Variants in BRD4 observed in about 807,000 individuals in gnomAD.
BRD4 encodes the protein bromodomain containing 4.
BRD4 carries 16 observed loss-of-function variants against 142.1 expected under a neutral mutation model. The observed-to-expected ratio is 0.11, with a 90% CI of 0.08 to 0.17. BRD4 has a LOEUF of 0.17. BRD4 is among the 10% of genes least tolerant of loss of function. The probability of loss-of-function intolerance (pLI) is 1.00; values close to 1 mark genes in which losing one functional copy is unlikely to be tolerated. For synonymous variants in BRD4, 833 were observed against 707.5 expected (o/e 1.18, Z -2.82); for missense variants, 1,424 against 1,810.9 (o/e 0.79, Z 3.88).
chr19:15,246,122 T>C (rs1000538750), intron 11 of BRD4, among the ~76,000 whole-genome samples: 8 of 152,142 alleles, frequency 5.3e-5, no homozygotes, highest in Non-Finnish European at 8.8e-5. Context: ...CGGGGGAACC[T>C]GGGGCCCCGC....
intron 10 of BRD4, among the ~76,000 whole-genome samples, 167 bp downstream of exon 10, chr19:15,255,130 G>A (rs533236577): frequency 2.0e-5 from 3 of 150,578 alleles, no homozygotes; most frequent in African/African-American, 7.3e-5. Context: ...GCCTAGGGGT[G>A]AGTGCAATGT....
At chr19:15,298,631 A>T in intron 1 of BRD4, among the ~76,000 whole-genome samples, 1 of 26,414 alleles carries the variant, frequency 3.8e-5, no homozygotes, top group African/African-American at 2.0e-4. Context: ...AAAAAAAAAA[A>T]AAAAAAAAAA....
Position 15,243,473 on chromosome 19 carries a change from G to A in BRD4, c.2596C>T (p.Leu866=), listed in dbSNP as rs767785123. 1.3e-5 allele frequency: 21 copies of A among 1,569,512 alleles called. No individual in the cohort carries two copies. Among genetic ancestry groups the A allele is most frequent in the Non-Finnish European group, 1.8e-5 (21 of 1,161,126 alleles). The part of the protein sequence containing the change: ...VVSPPALHNA[L]PQQPSRPSNR... ...CTGGGCCGTGATGGCTGCTGGGGTA[G>A]TGCGTTGTGCAAAGCTGGAAGAACA... Residue 866 remains leucine, a synonymous_variant, in exon 14 of 20, where the codon CTA becomes TTA. Transcript: ENST00000679869.
rs539365466 is a variant in BRD4 at position 15,240,100 on chromosome 19, C to T, written c.3170-78G>A. 119 of 1,518,746 alleles carry T rather than the reference C, an allele frequency of 7.8e-5. 1 individual carries two copies. The African/African-American group carries it at 1.5e-3, about 19-fold the overall frequency. 94.1% of individuals were successfully genotyped at this position (1,518,746 alleles called of 1,614,324 possible). ...CTGAGAGAATTGTCGGGAAGGAAAA[C>T]GTGGGCTGTATGGAGAAACTGCATG... On this transcript the variant is annotated intron_variant, in intron 14 of 19. Transcript: ENST00000679869.
rs577504401 is a variant in BRD4 at position 15,258,656 on chromosome 19, A to C, written c.1342-1483T>G. Among the ~76,000 whole-genome samples the C allele has an allele frequency of 1.8e-4, 27 of 151,924 alleles. 1 individual carries two copies. In the South Asian group the frequency reaches 5.4e-3, roughly 31 times the overall value. ...GGCCTTGCTCTGTTGCCCAGGGTGG[A>C]ATGCAATCAATGGCTCAATCATGGC... On this transcript the variant is annotated intron_variant, in intron 7 of 19. Transcript: ENST00000679869.
chr19:15,323,794 CA>C (rs930189783), intron 1 of BRD4, among the ~76,000 whole-genome samples: 4 of 152,080 alleles, frequency 2.6e-5, no homozygotes, highest in African/African-American at 9.7e-5. Context: ...GGAAGGTGAC[CA>C]CACATACTAA....
At chr19:15,330,856 G>C (rs561813541) in intron 1 of BRD4, among the ~76,000 whole-genome samples, 2 of 152,166 alleles carry the variant, frequency 1.3e-5, no homozygotes, top group African/African-American at 4.8e-5. Context: ...AAATCCTTTT[G>C]AGTATCGCTT....
chr19:15,326,461 G>A (rs1381644349), intron 1 of BRD4, among the ~76,000 whole-genome samples: 1 of 151,870 alleles, frequency 6.6e-6, no homozygotes, highest in Non-Finnish European at 1.5e-5. Flanking sequence ...ATAGGTGACA[G>A]AGCAAAACTC....
chr19:15,249,213 A>AC (rs2145538903), intron 11 of BRD4: 1 of 1,613,240 alleles, frequency 6.2e-7, no homozygotes, highest in African/African-American at 1.3e-5. Flanking sequence ...AAATGGACTT[A>AC]AGCTATAGCT....
rs201913040 is a variant in BRD4 at position 15,239,475 on chromosome 19, G to T, written c.3493C>A (p.Pro1165Thr). 2.5e-6 allele frequency: 4 copies of T among 1,614,004 alleles called. No individual in the cohort carries two copies. Among genetic ancestry groups the T allele is most frequent in the African/African-American group, 1.3e-5 (1 of 74,914 alleles). ...CCTGGTGGCGGTGCGTTCTGCTCTG[G>T]GGGCCGGATCACAGGCCTCCCGACA... The part of the protein sequence containing the change: ...VDVGRPVIRP[P>T]EQNAPPPGAP... The change falls in exon 17 of 20, where the codon CCA becomes ACA. Residue 1165 changes from proline (P) to threonine (T), a missense_variant. Physicochemically the swap from Pro to Thr is conservative, Grantham distance 38 (BLOSUM62 -1). Coordinates refer to ENST00000679869, the MANE Select transcript of BRD4 (RefSeq NM_001379291.1). This position sits in a 1 kb window ranked among gnomAD's most constrained non-coding sequence, Gnocchi z 7.4.
intron 10 of BRD4, 45 bp downstream of exon 10, chr19:15,255,252 G>A (rs775032966): frequency 1.3e-6 from 2 of 1,572,328 alleles, no homozygotes; most frequent in Non-Finnish European, 1.7e-6. Context: ...GTTACTCTGA[G>A]GGTGCCCACA....
chr19:15,331,872 TTCCTCCTCC>T (rs749102193), intron 1 of BRD4: 4 of 140,150 alleles, frequency 2.9e-5, no homozygotes, highest in African/African-American at 7.8e-5. Flanking sequence ...CGGCGGCCGC[TTCCTCCTCC>T]TCCTCCTCCT....
In BRD4 at chr19:15,320,012, A is replaced by T. The variant is rs931480137; in HGVS notation, c.-35+12278T>A. Among the ~76,000 whole-genome samples the T allele has an allele frequency of 2.6e-5, 4 of 152,188 alleles. No individual in the cohort carries two copies. The South Asian group carries it at 8.3e-4, about 32-fold the overall frequency. On this transcript the variant is annotated intron_variant, in intron 1 of 19. Transcript: ENST00000679869. ...AATAAATTTTTCTTCCACAGAGTAA[A>T]ATCAGGAAATTCATTCTGGTACCTG...
At chr19:15,285,888 G>T (rs563203837) in intron 1 of BRD4, among the ~76,000 whole-genome samples, 40 of 152,296 alleles carry the variant, frequency 2.6e-4, no homozygotes, top group African/African-American at 9.6e-4. Flanking sequence ...TAGTTAGGAT[G>T]GTGCCCACTC....
chr19:15,267,664 C>T (rs1187107631), intron 3 of BRD4, 113 bp from the exon 4 acceptor site: 6 of 1,281,458 alleles, frequency 4.7e-6, no homozygotes, highest in East Asian at 2.3e-5. Context: ...CGTCGTATTC[C>T]GGGTCCTTCC....
At position 15,256,972 on chromosome 19, in the gene BRD4, G is replaced by A; in HGVS notation, c.1543C>T (p.Gln515Ter). The A allele has an allele frequency of 1.3e-6, 2 of 1,571,662 alleles. No individual in the cohort carries two copies. The highest frequency in any genetic ancestry group is 8.6e-7 in the Non-Finnish European group (1 of 1,159,290). Residue 515 changes from glutamine (Q) to a stop codon, truncating the protein, a stop_gained, in exon 8 of 20, where the codon CAG becomes TAG. Transcript: ENST00000679869. LOFTEE classifies it high-confidence loss of function. Reference protein sequence around the residue: ...EERAQRLAELQEQLKAVHEQL... With the variant: ...EERAQRLAEL ...GCCACCAATGCCCTCACCTGCTCCT[G>A]GAGCTCAGCCAGCCGCTGGGCTCGC...
intron 1 of BRD4, among the ~76,000 whole-genome samples, chr19:15,323,414 T>A (rs1158568385): frequency 6.6e-6 from 1 of 152,162 alleles, no homozygotes; most frequent in African/African-American, 2.4e-5. Flanking sequence ...CACCTCCATG[T>A]AGTTTTTTTG....
chr19:15,316,017 G>A lies in BRD4; in HGVS notation c.-35+16273C>T, dbSNP rs189180354. Among the ~76,000 whole-genome samples the A allele has an allele frequency of 5.6e-4, 85 of 151,428 alleles. 1 individual carries two copies. In the East Asian group the frequency reaches 0.013, roughly 24 times the overall value. On this transcript the variant is annotated intron_variant, in intron 1 of 19. Transcript: ENST00000679869. ...TAAAAATACAAAAAATTAGCCGGGC[G>A]TAGTGGCGGGCGCCTGTGGTCCCAG...
At chr19:15,297,658 G>A (rs773131960) in intron 1 of BRD4, among the ~76,000 whole-genome samples, 8 of 152,192 alleles carry the variant, frequency 5.3e-5, no homozygotes, top group Non-Finnish European at 8.8e-5. Flanking sequence ...TTTTGGACAT[G>A]CCTTTGCTCA....
Sources: gnomAD v4.1 joint callset for allele counts (sites outside exome capture counted in the v4.1 genomes callset) on GRCh38, gnomAD v4.1.1 for gene constraint, Gnocchi (gnomAD v3.1) non-coding constraint, MANE v1.5 for transcripts, NCBI Gene and HGNC (gene_info 2026-07-23, HGNC 2026-07-21) for gene names.